Variants in YY1AP1 observed in about 807,000 individuals in gnomAD.
YY1AP1 encodes YY1-associated protein 1.
A neutral mutation model predicts 39.9 loss-of-function variants in YY1AP1; 43 were observed. That is an observed-to-expected ratio of 1.08 (90% CI 0.84 to 1.39). The LOEUF is 1.39. Among genes scored for constraint, YY1AP1 ranks in the 40% most tolerant of loss-of-function variants. The pLI is 0.00. For missense variants in YY1AP1, 813 were observed against 900.7 expected, an observed-to-expected ratio of 0.90 and a Z score of 1.25; for synonymous variants, 292 against 331.3, an observed-to-expected ratio of 0.88 and a Z score of 1.29.
intron 9 of YY1AP1, among the ~76,000 whole-genome samples, chr1:155,662,592 T>C (rs930937705): frequency 4.6e-5 from 7 of 152,054 alleles, no homozygotes; most frequent in African/African-American, 1.4e-4. Flanking sequence ...ATGTTTTCTA[T>C]ATCCTAGGCA....
rs549678071 is a variant in YY1AP1, at chr1:155,684,276, T to A, written c.-21+3795A>T. On this transcript the variant is annotated intron_variant, in intron 2 of 10. Coordinates refer to ENST00000355499, the MANE Select transcript of YY1AP1 (RefSeq NM_139119.3). ...AAACAAAAACAAAAACAAAAAACCATAGCGAGACCTAATCTCAATTAAAAA... is the reference window on the plus strand; with the variant it reads ...AAACAAAAACAAAAACAAAAAACCAAAGCGAGACCTAATCTCAATTAAAAA... Among the ~76,000 whole-genome samples the A allele has an allele frequency of 2.0e-5, 3 of 151,882 alleles. No homozygotes were observed. The South Asian group carries it at 6.3e-4, about 32-fold the overall frequency.
intron 5 of YY1AP1, among the ~76,000 whole-genome samples, chr1:155,675,518 G>A (rs1397593748): frequency 6.6e-6 from 1 of 151,960 alleles, no homozygotes; most frequent in Non-Finnish European, 1.5e-5. Context: ...TAGAGACGGG[G>A]TTTCACCATG....
chr1:155,676,441 G>A lies in YY1AP1; in HGVS notation c.324+107C>T. On this transcript the variant is annotated intron_variant, in intron 5 of 10. Transcript: ENST00000355499. ...ATACTACGGTTTTAATACGTAGTAA[G>A]GTAACTATCTCTGACATTTACAAAG... The A allele has an allele frequency of 3.0e-6, 4 of 1,333,530 alleles. No homozygotes were observed. The South Asian group carries it at 4.9e-5, about 16-fold the overall frequency. 82.6% of individuals were successfully genotyped at this position (1,333,530 alleles called of 1,614,324 possible). A position where few individuals can be genotyped will look rare whatever the true frequency, so the allele number is the denominator to read the frequency against.
At position 155,670,445 on chromosome 1, in the gene YY1AP1, C is replaced by G; in HGVS notation, c.603G>C (p.Leu201Phe). ...CCAGGATCCAAGCCACTTGCTTTGG[C>G]AAACAGGGAAATTCATTGGCTATAA... ...VKKTANEFPC[L>F]PKQVAWILAT... Residue 201 changes from leucine (L) to phenylalanine (F), a missense_variant, in exon 8 of 11, where the codon TTG becomes TTC. Leu to Phe is a conservative substitution (Grantham distance 22). Transcript: ENST00000355499. 2.5e-6 allele frequency: 4 copies of G among 1,614,102 alleles called. No individual in the cohort carries two copies. The highest frequency in any genetic ancestry group is 3.4e-6 in the Non-Finnish European group (4 of 1,180,006).
chr1:155,667,503 A>C (rs1649187866), intron 9 of YY1AP1, among the ~76,000 whole-genome samples: 1 of 151,884 alleles, frequency 6.6e-6, no homozygotes, highest in Non-Finnish European at 1.5e-5. Flanking sequence ...GTCTCTAAAA[A>C]AAAAAAAAAA....
intron 2 of YY1AP1, among the ~76,000 whole-genome samples, chr1:155,685,612 C>T (rs1023282537): frequency 2.0e-5 from 3 of 152,030 alleles, no homozygotes; most frequent in South Asian, 4.1e-4. Flanking sequence ...TGTTTGCAGA[C>T]GATAAAAAGA....
At chr1:155,679,310 C>T (rs1247623850) in intron 4 of YY1AP1, 99 bp downstream of exon 4, 2 of 1,569,614 alleles carry the variant, frequency 1.3e-6, no homozygotes, top group Non-Finnish European at 1.7e-6. Context: ...GTAACAGAAG[C>T]TGGCTGGGGA....
At position 155,660,022 on chromosome 1, in the gene YY1AP1, T is replaced by C; in HGVS notation, c.1888A>G (p.Thr630Ala). 6.2e-7 allele frequency: 1 copy of C among 1,613,576 alleles called. No homozygotes were observed. ...TTCATGTGGGCCTTATCTTCAGGGGTGGATGGTATAGGAAGATTCACAGAA... is the reference window on the plus strand; with the variant it reads ...TTCATGTGGGCCTTATCTTCAGGGGCGGATGGTATAGGAAGATTCACAGAA... ...GNSVNLPIPS[T>A]PEDKAHMNVD... The change falls in exon 11 of 11, where the codon ACC becomes GCC. Residue 630 changes from threonine to alanine, a missense_variant. Coordinates refer to ENST00000355499, the MANE Select transcript of YY1AP1 (RefSeq NM_139119.3).
upstream of YY1AP1, chr1:155,688,783 CG>C (rs1478717504): frequency 6.5e-7 from 1 of 1,539,934 alleles, no homozygotes; most frequent in Non-Finnish European, 8.7e-7. Context: ...ACACTCCTCG[CG>C]CGTGCGCCTC....
At chr1:155,667,237 G>A (rs759138640) in intron 9 of YY1AP1, among the ~76,000 whole-genome samples, 9 of 152,048 alleles carry the variant, frequency 5.9e-5, no homozygotes, top group Admixed American at 2.0e-4. Context: ...CATGGCTCAC[G>A]CCTGTAATCC....
At chr1:155,688,266 C>A in intron 1 of YY1AP1, 65 bp from the exon 2 acceptor site, 1 of 1,598,954 alleles carries the variant, frequency 6.3e-7, no homozygotes, top group South Asian at 1.1e-5. Flanking sequence ...TGAGAGGAGG[C>A]GGATCCCGCA....
At chr1:155,670,541 G>A in intron 7 of YY1AP1, 77 bp from the exon 8 acceptor site, 1 of 1,533,794 alleles carries the variant, frequency 6.5e-7, no homozygotes. Context: ...ATGCATTTTT[G>A]CATTTAGGTA....
chr1:155,684,352 CAT>C (rs574803837), intron 2 of YY1AP1, among the ~76,000 whole-genome samples: 5 of 152,164 alleles, frequency 3.3e-5, no homozygotes, highest in Non-Finnish European at 7.3e-5. Context: ...ACTACACACA[CAT>C]ATCACATGTA....
At chr1:155,680,260 G>T in intron 3 of YY1AP1, 156 bp downstream of exon 3, 1 of 731,202 alleles carries the variant, frequency 1.4e-6, no homozygotes, top group Non-Finnish European at 2.2e-6. Flanking sequence ...CTAGCAGTTA[G>T]CAAATTTCTT....
chr1:155,675,237 T>C (rs1359391215), intron 5 of YY1AP1, 141 bp from the exon 6 acceptor site: 3 of 665,120 alleles, frequency 4.5e-6, no homozygotes, highest in Admixed American at 5.1e-5. Context: ...CATGACTCAA[T>C]GCCCTCTCAA....
chr1:155,677,667 T>C (rs996967927), intron 4 of YY1AP1, among the ~76,000 whole-genome samples: 7 of 152,206 alleles, frequency 4.6e-5, no homozygotes, highest in Non-Finnish European at 1.5e-5. Context: ...TCTTTTATAG[T>C]ATTTACTGTA....
chr1:155,671,579 G>C (rs1649870427), intron 7 of YY1AP1, among the ~76,000 whole-genome samples: 1 of 151,872 alleles, frequency 6.6e-6, no homozygotes, highest in African/African-American at 2.4e-5. Flanking sequence ...AACCATAAAA[G>C]GAATGAGACA....
chr1:155,673,944 G>A (rs886433232), intron 6 of YY1AP1, among the ~76,000 whole-genome samples: 1 of 151,770 alleles, frequency 6.6e-6, no homozygotes, highest in African/African-American at 2.4e-5. Flanking sequence ...GGCGGATCAC[G>A]AGGTCAGGAG....
rs768875725 is a variant in YY1AP1 at position 155,676,593 on chromosome 1, A to T, written c.279T>A (p.Ile93=). 1.9e-6 allele frequency: 3 copies of T among 1,614,092 alleles called. No homozygotes were observed. The African/African-American group carries it at 4.0e-5, about 22-fold the overall frequency. ...PQCKEVHQTL[I]LDPAQRKRLQ... The stretch of plus-strand genomic sequence containing the variant: ...GTCTCTTCCTTTGTGCTGGGTCCAG[A>T]ATCAGGGTCTGATGAACTTCCTTAC... Residue 93 remains isoleucine (I), a synonymous_variant, in exon 5 of 11, where the codon ATT becomes ATA. Transcript: ENST00000355499.
Sources: allele counts gnomAD v4.1 joint callset (sites outside exome capture counted in the v4.1 genomes callset), GRCh38; gene constraint gnomAD v4.1.1; transcripts MANE v1.5; gene names NCBI Gene and HGNC (gene_info 2026-07-23, HGNC 2026-07-21).